The following SLC24A3 variants were observed in gnomAD, a reference collection of about 807,000 sequenced individuals.
SLC24A3 encodes sodium/potassium/calcium exchanger 3.
SLC24A3 carries 28 observed loss-of-function variants against 75.8 expected under a neutral mutation model. That is an observed-to-expected ratio of 0.37 (90% CI 0.27 to 0.51). SLC24A3 has a LOEUF of 0.51. SLC24A3 is among the 20% of genes least tolerant of loss of function. SLC24A3 has a pLI of 0.94. For synonymous variants in SLC24A3, 372 were observed against 334.1 expected, an observed-to-expected ratio of 1.11 and a Z score of -1.24; for missense variants, 663 against 847.8, an observed-to-expected ratio of 0.78 and a Z score of 2.71.
rs2032662893 is a variant in SLC24A3 at position 19,685,281 on chromosome 20, A to G, written c.1244A>G (p.Asn415Ser). 3.1e-6 allele frequency: 5 copies of G among 1,614,046 alleles called. No homozygotes were observed. Among genetic ancestry groups the G allele is most frequent in the Non-Finnish European group, 4.2e-6 (5 of 1,180,038 alleles). The change falls in exon 12 of 17, where the codon AAT (asparagine) becomes AGT (serine). Residue 415 changes from asparagine (N) to serine (S), a missense_variant. Around this residue, in one of 2 missense-constraint regions of SLC24A3, gnomAD observed 510 missense variants for 703.6 expected, o/e 0.72. Transcript: ENST00000328041. ...GCTGGCAACGAAACAGAGAATGAAA[A>G]TGAGGACAATGAGAATGATGAGGAG... ...AEAGNETENE[N>S]EDNENDEEEE...
At chr20:19,399,286 T>C (rs1474319298) in intron 2 of SLC24A3, among the ~76,000 whole-genome samples, 2 of 152,140 alleles carry the variant, frequency 1.3e-5, no homozygotes, top group African/African-American at 2.4e-5. Context: ...TTTTCTATCT[T>C]CTACTTCCTT....
At chr20:19,474,063 A>G (rs369033073) in intron 2 of SLC24A3, among the ~76,000 whole-genome samples, 3 of 152,352 alleles carry the variant, frequency 2.0e-5, no homozygotes, top group South Asian at 2.1e-4. Flanking sequence ...GTCTTACTCA[A>G]CACGGGTCCC....
chr20:19,662,099 A>G (rs2032333118), intron 7 of SLC24A3, among the ~76,000 whole-genome samples: 1 of 152,142 alleles, frequency 6.6e-6, no homozygotes, highest in South Asian at 2.1e-4. Context: ...GTATCTTTGG[A>G]TGAACCACAT....
intron 6 of SLC24A3, among the ~76,000 whole-genome samples, chr20:19,629,821 G>A (rs1304023388): frequency 6.6e-6 from 1 of 152,148 alleles, no homozygotes; most frequent in East Asian, 1.9e-4. Context: ...ATTAATCATG[G>A]GGAAATTAAG....
chr20:19,462,397 CG>C (rs1258233396), intron 2 of SLC24A3, among the ~76,000 whole-genome samples: 2 of 152,006 alleles, frequency 1.3e-5, no homozygotes, highest in African/African-American at 4.8e-5. Context: ...GTAGGGACTA[CG>C]GGCGCCTGAC....
At chr20:19,463,907 G>C (rs1040395387) in intron 2 of SLC24A3, among the ~76,000 whole-genome samples, 1 of 151,862 alleles carries the variant, frequency 6.6e-6, no homozygotes, top group African/African-American at 2.4e-5. Flanking sequence ...CCCTGGTAGT[G>C]GGTGGGAGGT....
At chr20:19,477,234 A>G (rs3790224) in intron 2 of SLC24A3, among the ~76,000 whole-genome samples, 101,753 of 152,024 alleles carry the variant, frequency 0.67, 35,166 homozygotes, top group African/African-American at 0.85. Context: ...CTGCTGAAGC[A>G]AGCAGGAGAT....
intron 9 of SLC24A3, among the ~76,000 whole-genome samples, chr20:19,677,288 C>T (rs538675535): frequency 1.5e-5 from 2 of 135,328 alleles, no homozygotes; most frequent in African/African-American, 3.0e-5. Context: ...AGCAAGACCC[C>T]GTTCCAAAAA....
intron 2 of SLC24A3, among the ~76,000 whole-genome samples, chr20:19,314,388 A>C (rs986358029): frequency 2.8e-4 from 43 of 151,272 alleles, no homozygotes; most frequent in African/African-American, 9.7e-4. Flanking sequence ...ATCTCGGCTC[A>C]CTGCAACCTT....
intron 6 of SLC24A3, among the ~76,000 whole-genome samples, chr20:19,639,455 T>C (rs1490930219): frequency 6.6e-6 from 1 of 152,212 alleles, no homozygotes; most frequent in East Asian, 1.9e-4. Flanking sequence ...GATTGGTGTA[T>C]TTACAAACCT....
chr20:19,514,942 CA>C (rs1267682848), intron 2 of SLC24A3, among the ~76,000 whole-genome samples: 1 of 152,136 alleles, frequency 6.6e-6, no homozygotes, highest in Non-Finnish European at 1.5e-5. Context: ...GGAAAAGGAG[CA>C]AAATGAAGAC....
intron 6 of SLC24A3, among the ~76,000 whole-genome samples, chr20:19,606,711 G>T (rs2031602157): frequency 6.6e-6 from 1 of 152,226 alleles, no homozygotes; most frequent in Non-Finnish European, 1.5e-5. Flanking sequence ...GCCAGGGAAG[G>T]TCATGAACCA....
chr20:19,224,953 C>A (rs1479967173), intron 1 of SLC24A3, among the ~76,000 whole-genome samples: 1 of 152,104 alleles, frequency 6.6e-6, no homozygotes, highest in African/African-American at 2.4e-5. Context: ...GTAGTTAGTA[C>A]ATGGGAAAAA....
At chr20:19,716,421 C>G (rs67261850) in intron 15 of SLC24A3, among the ~76,000 whole-genome samples, 3 of 10,714 alleles carry the variant, frequency 2.8e-4, no homozygotes, top group Middle Eastern at 0.1. Flanking sequence ...AAAACTGTTT[C>G]TTTTTTTTTC....
At chr20:19,488,099 C>T (rs1310862825) in intron 2 of SLC24A3, among the ~76,000 whole-genome samples, 3 of 152,244 alleles carry the variant, frequency 2.0e-5, no homozygotes, top group Admixed American at 6.5e-5. Context: ...GAGACTTTCT[C>T]GTACCAAACA....
chr20:19,641,532 G>A (rs1218514324), intron 6 of SLC24A3, among the ~76,000 whole-genome samples: 1 of 152,194 alleles, frequency 6.6e-6, no homozygotes, highest in East Asian at 1.9e-4. Flanking sequence ...GTGACTTCTC[G>A]AAATCTCATC....
Position 19,441,649 on chromosome 20 carries a change from T to C in SLC24A3, c.272-73839T>C, listed in dbSNP as rs73900156. The stretch of plus-strand genomic sequence containing the variant: ...TCTTATATTAGTGTGGTACATTTAT[T>C]ACGATTGATGAACAAATAATGATGC... On this transcript the variant is annotated intron_variant, in intron 2 of 16. Transcript: ENST00000328041. Among the ~76,000 whole-genome samples, 470 of 152,300 alleles carry C rather than the reference T, an allele frequency of 3.1e-3. 5 individuals carry two copies. Among genetic ancestry groups the C allele is most frequent in the African/African-American group, 0.011 (450 of 41,554 alleles).
intron 15 of SLC24A3, among the ~76,000 whole-genome samples, chr20:19,716,889 A>T (rs975242350): frequency 6.6e-6 from 1 of 151,676 alleles, no homozygotes; most frequent in Non-Finnish European, 1.5e-5. Flanking sequence ...AAAAGAAGGA[A>T]CTCCAAATAT....
intron 6 of SLC24A3, among the ~76,000 whole-genome samples, chr20:19,622,484 GA>G (rs2031816975): frequency 6.6e-6 from 1 of 152,166 alleles, no homozygotes; most frequent in Admixed American, 6.5e-5. Flanking sequence ...TGATCAGAAA[GA>G]GCTGAAAAAG....
Sources: gnomAD v4.1 joint callset for allele counts (sites outside exome capture counted in the v4.1 genomes callset) on GRCh38, gnomAD v4.1.1 for gene constraint, gnomAD v4.1.1 regional missense constraint, MANE v1.5 for transcripts, NCBI Gene and HGNC (gene_info 2026-07-23, HGNC 2026-07-21) for gene names.